Variants in TTC21B observed in about 807,000 individuals in gnomAD.
TTC21B encodes the protein tetratricopeptide repeat protein 21B.
Under a neutral mutation model 175.1 loss-of-function variants are expected in TTC21B, and 127 were observed. That is an observed-to-expected ratio of 0.73 (90% CI 0.63 to 0.84). TTC21B has a LOEUF of 0.84. TTC21B is among the 40% of genes least tolerant of loss of function. TTC21B has a pLI of 0.00. For synonymous variants in TTC21B, 524 were observed against 524.5 expected (o/e 1.00, Z 0.01); for missense variants, 1,561 against 1,558.3 (o/e 1.00, Z -0.03).
At chr2:165,898,301 AAG>A (rs1416245561) in intron 22 of TTC21B, among the ~76,000 whole-genome samples, 1 of 152,126 alleles carries the variant, frequency 6.6e-6, no homozygotes, top group Non-Finnish European at 1.5e-5. Context: ...TTTGGTGACA[AAG>A]AATGGAGAAG....
chr2:165,943,759 C>T (rs995553064), intron 4 of TTC21B, among the ~76,000 whole-genome samples: 1 of 152,158 alleles, frequency 6.6e-6, no homozygotes, highest in Admixed American at 6.5e-5. Flanking sequence ...CCTTGCTTCA[C>T]ATATCTTAAA....
intron 14 of TTC21B, 97 bp downstream of exon 14, chr2:165,917,160 T>C (rs1410255274): frequency 1.1e-5 from 13 of 1,174,128 alleles, no homozygotes; most frequent in Non-Finnish European, 1.5e-5. Flanking sequence ...ATTACAGGTG[T>C]GAGCCACCAT....
rs186824949 is a variant in TTC21B, at chr2:165,905,292, T to A, written c.2568+2386A>T. On this transcript the variant is annotated intron_variant, in intron 19 of 28. Coordinates refer to ENST00000243344, the MANE Select transcript of TTC21B (RefSeq NM_024753.5). ...AACTCAGATAAAAGTCAAGAAAATT[T>A]AGAAAAAAACAGATTGTAAGATGGC... Among the ~76,000 whole-genome samples the A allele has an allele frequency of 4.6e-5, 7 of 151,992 alleles. 1 individual carries two copies. In the East Asian group the frequency reaches 1.4e-3, roughly 29 times the overall value.
intron 22 of TTC21B, among the ~76,000 whole-genome samples, chr2:165,894,273 T>C (rs1320845058): frequency 6.6e-6 from 1 of 152,162 alleles, no homozygotes; most frequent in African/African-American, 2.4e-5. Flanking sequence ...AGGGGCAATC[T>C]GTCGTGAGAG....
chr2:165,896,569 A>C lies in TTC21B; in HGVS notation c.2950+2117T>G, dbSNP rs112492749. On this transcript the variant is annotated intron_variant, in intron 22 of 28. Transcript: ENST00000243344. The stretch of plus-strand genomic sequence containing the variant: ...ACAGGATAAAGGGACAGAGAGCAAG[A>C]AGTGGTGCTACTTGATGTAGGCCAG... Among the ~76,000 whole-genome samples the C allele has an allele frequency of 9.5e-3, 1,450 of 152,284 alleles. 18 individuals carry two copies. Among genetic ancestry groups the C allele is most frequent in the African/African-American group, 0.032 (1,335 of 41,556 alleles).
At chr2:165,938,568 A>G (rs892661520) in intron 6 of TTC21B, among the ~76,000 whole-genome samples, 3 of 152,206 alleles carry the variant, frequency 2.0e-5, no homozygotes, top group African/African-American at 7.2e-5. Context: ...CAGGAAATAC[A>G]GAGGATAAAG....
At chr2:165,900,691 C>T (rs1685529526) in intron 20 of TTC21B, among the ~76,000 whole-genome samples, 1 of 151,888 alleles carries the variant, frequency 6.6e-6, no homozygotes, top group African/African-American at 2.4e-5. Flanking sequence ...GTAAAAGGAA[C>T]TGAATTATCT....
At chr2:165,905,367 T>C (rs1010591556) in intron 19 of TTC21B, among the ~76,000 whole-genome samples, 18 of 151,966 alleles carry the variant, frequency 1.2e-4, no homozygotes, top group Admixed American at 6.6e-5. Flanking sequence ...TTAAAAAAAC[T>C]ATAATAGATT....
rs777874526 is a variant in TTC21B at position 165,884,013 on chromosome 2, C to T, written c.3465G>A (p.Glu1155=). 1.2e-6 allele frequency: 2 copies of T among 1,613,878 alleles called. No homozygotes were observed. Among genetic ancestry groups the T allele is most frequent in the Non-Finnish European group, 1.7e-6 (2 of 1,179,890 alleles). Residue 1155 remains glutamate (E), a synonymous_variant, in exon 26 of 29, where the codon GAG becomes GAA. Coordinates refer to ENST00000243344, the MANE Select transcript of TTC21B (RefSeq NM_024753.5). The part of the protein sequence containing the change: ...TFTEIAASEK[E]HIPALLGMAT... Reference sequence around the variant, plus strand: ...CCATTCCCAAGAGCGCTGGGATATGCTCCTTCTATAAGAAAACAAAATTTT... The same window carrying T: ...CCATTCCCAAGAGCGCTGGGATATGTTCCTTCTATAAGAAAACAAAATTTT...
chr2:165,874,048 A>G lies in TTC21B; in HGVS notation c.*707T>C, dbSNP rs551758530. On this transcript the variant is annotated 3_prime_UTR_variant, in exon 29 of 29. Transcript: ENST00000243344. ...TTTATTCCAATTTTTGAAACAACACAGAATACAACAAAAACAGGCTGGGTG... is the reference window on the plus strand; with the variant it reads ...TTTATTCCAATTTTTGAAACAACACGGAATACAACAAAAACAGGCTGGGTG... The G allele has an allele frequency of 3.9e-5, 6 of 152,242 alleles. No homozygotes were observed. Among genetic ancestry groups the G allele is most frequent in the African/African-American group, 1.2e-4 (5 of 41,556 alleles). The allele number at this position is 152,242 out of a possible 1,614,324, so 9.4% of individuals were successfully genotyped here.
intron 6 of TTC21B, among the ~76,000 whole-genome samples, chr2:165,935,530 T>C (rs1366671899): frequency 6.6e-6 from 1 of 152,094 alleles, no homozygotes; most frequent in East Asian, 1.9e-4. Context: ...ACATAGATGT[T>C]TACAGATGAC....
intron 6 of TTC21B, among the ~76,000 whole-genome samples, chr2:165,937,164 C>T (rs1276363155): frequency 6.6e-6 from 1 of 151,742 alleles, no homozygotes; most frequent in Non-Finnish European, 1.5e-5. Flanking sequence ...ATGCATAATA[C>T]TAAATGAAAG....
rs373564710 is a variant in TTC21B at position 165,912,531 on chromosome 2, T to A, written c.2305A>T (p.Thr769Ser). Reference sequence around the variant, plus strand: ...GTACTTACCATTGAGTAGTTATGAGTTTTGATAAGTGCTTTGCCCATTTTG... The same window carrying A: ...GTACTTACCATTGAGTAGTTATGAGATTTGATAAGTGCTTTGCCCATTTTG... ...ASKMGKALIKTHNYSMAITYY... is the reference protein window; with the variant it reads ...ASKMGKALIKSHNYSMAITYY... Residue 769 changes from threonine to serine, a missense_variant, in exon 17 of 29, where the codon ACT becomes TCT. Coordinates refer to ENST00000243344, the MANE Select transcript of TTC21B (RefSeq NM_024753.5). 2.0e-5 allele frequency: 32 copies of A among 1,613,704 alleles called. No homozygotes were observed. In the African/African-American group the frequency reaches 4.3e-4, roughly 22 times the overall value.
chr2:165,890,660 AATT>A lies in TTC21B; in HGVS notation c.3102-23_3102-21del. On this transcript the variant is annotated intron_variant, in intron 23 of 28. Transcript: ENST00000243344. ...GTGTACCTTGTTAGATGTTTAAAAG[AATT>A]ATTTATTTCAATCACTGACTACAAA... is the stretch of plus-strand genomic sequence containing the variant. 1 of 1,611,190 alleles carries A rather than the reference AATT, an allele frequency of 6.2e-7. No individual in the cohort carries two copies. The highest frequency in any genetic ancestry group is 8.5e-7 in the Non-Finnish European group (1 of 1,177,624).
intron 12 of TTC21B, among the ~76,000 whole-genome samples, chr2:165,923,750 T>G (rs2105334871): frequency 6.8e-6 from 1 of 147,658 alleles, no homozygotes; most frequent in African/African-American, 2.5e-5. Context: ...CTGGTTTTTT[T>G]TTTTTTTTTT....
intron 22 of TTC21B, among the ~76,000 whole-genome samples, chr2:165,891,881 T>A (rs1216564520): frequency 6.6e-6 from 1 of 152,100 alleles, no homozygotes; most frequent in Non-Finnish European, 1.5e-5. Flanking sequence ...AACCAACCTA[T>A]ATATAAATGT....
chr2:165,952,792 T>C (rs1243470876), intron 1 of TTC21B, among the ~76,000 whole-genome samples: 1 of 152,238 alleles, frequency 6.6e-6, no homozygotes, highest in Non-Finnish European at 1.5e-5. Context: ...TCTCACAGGA[T>C]ACACATTTCA....
At chr2:165,926,504 G>A (rs959836533) in intron 11 of TTC21B, among the ~76,000 whole-genome samples, 4 of 152,118 alleles carry the variant, frequency 2.6e-5, no homozygotes, top group Middle Eastern at 3.4e-3. Context: ...TTGTCTCCTC[G>A]TGTCCCTTTG....
intron 14 of TTC21B, among the ~76,000 whole-genome samples, chr2:165,916,059 G>A (rs1686159792): frequency 6.6e-6 from 1 of 152,148 alleles, no homozygotes; most frequent in Non-Finnish European, 1.5e-5. Context: ...GAGCTGGGTG[G>A]ATCACTTAAG....
Sources: allele counts gnomAD v4.1 joint callset (sites outside exome capture counted in the v4.1 genomes callset), GRCh38; gene constraint gnomAD v4.1.1; transcripts MANE v1.5; gene names NCBI Gene and HGNC (gene_info 2026-07-23, HGNC 2026-07-21).